The following FNIP1 variants were observed in gnomAD, a reference collection of about 807,000 sequenced individuals.
FNIP1 encodes folliculin interacting protein 1, also known as folliculin-interacting protein 1.
A neutral mutation model predicts 124.5 loss-of-function variants in FNIP1; 40 were observed. The ratio of observed to expected loss-of-function variants is 0.32; its 90% CI spans 0.25 to 0.42. FNIP1 has a LOEUF of 0.42. FNIP1 is among the 10% of genes least tolerant of loss of function. The pLI, the probability that FNIP1 is intolerant of heterozygous loss-of-function variation, is 1.00. For synonymous variants in FNIP1, 472 were observed against 470.6 expected (o/e 1.00, Z -0.04); for missense variants, 1,176 against 1,403.7 (o/e 0.84, Z 2.59).
At chr5:131,696,466 CG>C (rs1580763354) in intron 11 of FNIP1, among the ~76,000 whole-genome samples, 1 of 151,936 alleles carries the variant, frequency 6.6e-6, no homozygotes, top group East Asian at 1.9e-4. Flanking sequence ...CACTGATTAC[CG>C]TATCACTAGA....
At chr5:131,738,265 G>A (rs1046209759) in intron 2 of FNIP1, among the ~76,000 whole-genome samples, 4 of 151,974 alleles carry the variant, frequency 2.6e-5, no homozygotes, top group Admixed American at 6.6e-5. Flanking sequence ...GTATATCAAC[G>A]CTCAGCTCTT....
Position 131,715,141 on chromosome 5 carries a change from C to T in FNIP1, c.622+1424G>A, listed in dbSNP as rs1561670278. ...AAGTGAAGACAAGTATATCTAACCT[C>T]TATAGTATAATTTACCTTTATAAGT... On this transcript the variant is annotated intron_variant, in intron 6 of 17. Transcript: ENST00000510461. Among the ~76,000 whole-genome samples the T allele has an allele frequency of 2.6e-5, 4 of 152,184 alleles. No individual in the cohort carries two copies. The South Asian group carries it at 6.2e-4, about 24-fold the overall frequency.
intron 2 of FNIP1, among the ~76,000 whole-genome samples, chr5:131,733,268 C>T (rs761161362): frequency 4.6e-5 from 7 of 152,200 alleles, no homozygotes; most frequent in Admixed American, 1.3e-4. Flanking sequence ...ATCATGTCAT[C>T]TGCAAACAGG....
At chr5:131,703,028 T>A (rs1216904076) in intron 10 of FNIP1, among the ~76,000 whole-genome samples, 4 of 152,204 alleles carry the variant, frequency 2.6e-5, no homozygotes, top group African/African-American at 9.6e-5. Context: ...TCCAGACTCA[T>A]AAAAACACAA....
chr5:131,759,614 G>A (rs116269250), intron 1 of FNIP1, among the ~76,000 whole-genome samples: 2,699 of 152,280 alleles, frequency 0.018, 54 homozygotes, highest in African/African-American at 0.046. Context: ...TGGTGAGGCC[G>A]TGGAGAAAAA....
intron 1 of FNIP1, among the ~76,000 whole-genome samples, chr5:131,757,044 G>A (rs933230267): frequency 3.9e-5 from 6 of 152,210 alleles, no homozygotes; most frequent in African/African-American, 1.4e-4. Context: ...AAGAGTGACA[G>A]TGAGAAAGAA....
intron 1 of FNIP1, among the ~76,000 whole-genome samples, chr5:131,781,174 A>G (rs1424774580): frequency 6.6e-6 from 1 of 152,244 alleles, no homozygotes; most frequent in Non-Finnish European, 1.5e-5. Flanking sequence ...CAACTCTATG[A>G]AGTCTGAGAG....
chr5:131,709,774 A>C (rs1368946990), intron 7 of FNIP1, among the ~76,000 whole-genome samples: 2 of 152,292 alleles, frequency 1.3e-5, no homozygotes, highest in African/African-American at 4.8e-5. Context: ...AAAATGGCTA[A>C]TATATATTTT....
At chr5:131,651,744 A>G in intron 16 of FNIP1, 58 bp downstream of exon 16, 1 of 1,521,988 alleles carries the variant, frequency 6.6e-7, no homozygotes, top group Non-Finnish European at 9.0e-7. Flanking sequence ...CAGAAAAAAC[A>G]ATGATGAAAG....
intron 2 of FNIP1, among the ~76,000 whole-genome samples, chr5:131,739,394 T>G (rs192067783): frequency 6.6e-6 from 1 of 152,204 alleles, no homozygotes; most frequent in African/African-American, 2.4e-5. Flanking sequence ...TTCTTCCACA[T>G]GGCTAATTGT....
At chr5:131,744,534 A>G (rs774735314) in intron 2 of FNIP1, 30 bp downstream of exon 2, 9 of 1,571,426 alleles carry the variant, frequency 5.7e-6, no homozygotes, top group South Asian at 1.2e-5. Context: ...TTCAACATTA[A>G]AAGTCAACCA....
intron 8 of FNIP1, among the ~76,000 whole-genome samples, chr5:131,708,007 T>C (rs1160064706): frequency 6.6e-6 from 1 of 152,004 alleles, no homozygotes; most frequent in Non-Finnish European, 1.5e-5. Context: ...AAAACAAAAA[T>C]AAGAAACTCA....
intron 1 of FNIP1, among the ~76,000 whole-genome samples, chr5:131,792,348 A>G (rs915903244): frequency 2.0e-5 from 3 of 152,016 alleles, no homozygotes; most frequent in East Asian, 3.9e-4. Context: ...TTTAGTAGAG[A>G]TGGGGTTTCA....
At chr5:131,715,742 T>G (rs887914514) in intron 6 of FNIP1, among the ~76,000 whole-genome samples, 1 of 152,124 alleles carries the variant, frequency 6.6e-6, no homozygotes, top group African/African-American at 2.4e-5. Flanking sequence ...TTATAAGTGA[T>G]TGCTCATTTG....
Position 131,695,153 on chromosome 5 carries a change from AAAG to A in FNIP1, c.1202+3761_1202+3763del, listed in dbSNP as rs1580762360. 4.3e-5 allele frequency among the ~76,000 whole-genome samples: 6 copies of A among 141,022 alleles called. No homozygotes were observed. The East Asian group carries it at 1.2e-3, about 29-fold the overall frequency. 92.5% of individuals were successfully genotyped at this position (141,022 alleles called of 152,430 possible). ...TAAATAAATAAATAAATAAATAAAT[AAAG>A]CATTAACTGGGAAAACTGTAGGTTG... On this transcript the variant is annotated intron_variant, in intron 11 of 17. Transcript: ENST00000510461.
At chr5:131,649,931 T>C (rs1204280728) in intron 16 of FNIP1, among the ~76,000 whole-genome samples, 1 of 152,156 alleles carries the variant, frequency 6.6e-6, no homozygotes, top group African/African-American at 2.4e-5. Flanking sequence ...ACTAAACTTA[T>C]ATGTGAGGGT....
intron 1 of FNIP1, among the ~76,000 whole-genome samples, chr5:131,757,939 G>A (rs1383467196): frequency 6.6e-6 from 1 of 152,184 alleles, no homozygotes; most frequent in Non-Finnish European, 1.5e-5. Flanking sequence ...CAAAATGCTG[G>A]TCAAAATTAT....
At chr5:131,701,908 G>GT (rs1768913009) in intron 10 of FNIP1, among the ~76,000 whole-genome samples, 1 of 152,184 alleles carries the variant, frequency 6.6e-6, no homozygotes, top group African/African-American at 2.4e-5. Context: ...TTCGCCAGTT[G>GT]TACCTCTCAC....
At chr5:131,673,555 G>C (rs1400322169) in intron 13 of FNIP1, among the ~76,000 whole-genome samples, 1 of 152,198 alleles carries the variant, frequency 6.6e-6, no homozygotes, top group Admixed American at 6.5e-5. Flanking sequence ...GCTCCATGCA[G>C]AGCATTTTTA....
Sources: allele counts gnomAD v4.1 joint callset (sites outside exome capture counted in the v4.1 genomes callset), GRCh38; gene constraint gnomAD v4.1.1; transcripts MANE v1.5; gene names NCBI Gene and HGNC (gene_info 2026-07-23, HGNC 2026-07-21).